The following NCOR2 variants were observed in gnomAD, a reference collection of about 807,000 sequenced individuals.
NCOR2 encodes nuclear receptor corepressor 2.
In NCOR2, 81 loss-of-function variants were observed where a neutral mutation model predicts 262.9. The ratio of observed to expected loss-of-function variants is 0.31; its 90% CI spans 0.26 to 0.37. The LOEUF (loss-of-function observed/expected upper bound fraction) is 0.37. Ranked by LOEUF, NCOR2 falls within the 10% of genes least tolerant of loss-of-function variation. The pLI is 1.00. For missense variants in NCOR2, 3,385 were observed against 3,621.4 expected, an observed-to-expected ratio of 0.93 and a Z score of 1.68; for synonymous variants, 1,659 against 1,559.3, an observed-to-expected ratio of 1.06 and a Z score of -1.51.
At chr12:124,446,669 T>C (rs1408024104) in intron 7 of NCOR2, among the ~76,000 whole-genome samples, 1 of 152,130 alleles carries the variant, frequency 6.6e-6, no homozygotes, top group African/African-American at 2.4e-5. Context: ...TTCTCTCCCA[T>C]TACCCCACTT....
At chr12:124,410,195 G>A (rs1185755502) in intron 13 of NCOR2, among the ~76,000 whole-genome samples, 1 of 147,574 alleles carries the variant, frequency 6.8e-6, no homozygotes, top group African/African-American at 2.5e-5. Context: ...AGGCCCCCTC[G>A]ATCCTGACCG....
intron 1 of NCOR2, among the ~76,000 whole-genome samples, chr12:124,565,310 G>A (rs2052200446): frequency 6.6e-6 from 1 of 152,140 alleles, no homozygotes; most frequent in Admixed American, 6.5e-5. Context: ...GGTGGCAGCA[G>A]TGAATTTCCA....
At chr12:124,452,462 G>A (rs769515724) in intron 6 of NCOR2, among the ~76,000 whole-genome samples, 11 of 152,242 alleles carry the variant, frequency 7.2e-5, no homozygotes, top group Non-Finnish European at 1.0e-4. Flanking sequence ...CAACACTCCA[G>A]CCTCGGTTTC....
chr12:124,545,128 C>T (rs2051500307), intron 1 of NCOR2, among the ~76,000 whole-genome samples: 1 of 152,110 alleles, frequency 6.6e-6, no homozygotes, highest in Non-Finnish European at 1.5e-5. Context: ...CTCCCCAGGG[C>T]CCCTTGCCAG....
chr12:124,485,682 G>C (rs2047734284), intron 2 of NCOR2, among the ~76,000 whole-genome samples: 1 of 152,140 alleles, frequency 6.6e-6, no homozygotes, highest in South Asian at 2.1e-4. Context: ...TGGGGCCCTG[G>C]GACACCTCCG....
At chr12:124,367,983 C>A (rs757727372) in intron 20 of NCOR2, among the ~76,000 whole-genome samples, 1 of 152,210 alleles carries the variant, frequency 6.6e-6, no homozygotes, top group Non-Finnish European at 1.5e-5. Context: ...TCCTTTCTGG[C>A]GGCCTGGGTG....
upstream of NCOR2, chr12:124,495,270 G>A: frequency 6.2e-7 from 1 of 1,606,238 alleles, no homozygotes; most frequent in Middle Eastern, 1.8e-4. The surrounding 1 kb of genome is among the most constrained non-coding windows in gnomAD (Gnocchi z 4.4). Flanking sequence ...GGGTCGGCGG[G>A]GAGCTGCTCC....
chr12:124,488,091 A>G (rs1347952420), intron 1 of NCOR2, among the ~76,000 whole-genome samples: 1 of 151,986 alleles, frequency 6.6e-6, no homozygotes, highest in Non-Finnish European at 1.5e-5. Context: ...AATTTTCCCA[A>G]TTTTCCATAA....
At position 124,443,460 on chromosome 12, in the gene NCOR2, G is replaced by A. The variant is rs999664277; in HGVS notation, c.816-5464C>T. ...AGTGCACAGGCCAGAGACAGCCTCT[G>A]AGGGTGTTGTGTTGGGCTGTGGTGC... On this transcript the variant is annotated intron_variant, in intron 7 of 46. Transcript: ENST00000405201. The surrounding 1 kb of genome is among the most constrained non-coding windows in gnomAD (Gnocchi z 4.4). Among the ~76,000 whole-genome samples the A allele has an allele frequency of 1.3e-5, 2 of 152,214 alleles. No individual in the cohort carries two copies. The highest frequency in any genetic ancestry group is 2.9e-5 in the Non-Finnish European group (2 of 68,042).
chr12:124,435,212 G>A (rs891620347), intron 8 of NCOR2, among the ~76,000 whole-genome samples: 10 of 152,150 alleles, frequency 6.6e-5, no homozygotes, highest in South Asian at 2.1e-4. Context: ...AGCCCATCTC[G>A]AGAGTCTAGC....
rs540691973 is a variant in NCOR2, at chr12:124,486,825, G to A, written c.106-257C>T. 2.7e-3 allele frequency among the ~76,000 whole-genome samples: 416 copies of A among 152,230 alleles called. 4 individuals carry two copies. Among genetic ancestry groups the A allele is most frequent in the Non-Finnish European group, 4.3e-3 (290 of 67,996 alleles). ...CCCACACAGCATCCCAGGGACCCAC[G>A]ATCACGCCCACCTTCCAAATGAGAC... On this transcript the variant is annotated intron_variant, in intron 1 of 46. Transcript: ENST00000405201.
chr12:124,407,510 G>C (rs2042341349), intron 13 of NCOR2, among the ~76,000 whole-genome samples: 1 of 151,996 alleles, frequency 6.6e-6, no homozygotes, highest in African/African-American at 2.4e-5. Context: ...GAGCCCCCGG[G>C]GACCTTTCTC....
At chr12:124,392,726 C>G (rs891986441) in intron 16 of NCOR2, among the ~76,000 whole-genome samples, 2 of 149,406 alleles carry the variant, frequency 1.3e-5, no homozygotes, top group Non-Finnish European at 3.0e-5. Context: ...GGAGGTCCTG[C>G]TCTCCAGGCT....
intron 5 of NCOR2, among the ~76,000 whole-genome samples, chr12:124,463,160 G>A (rs1235377860): frequency 2.0e-5 from 3 of 152,282 alleles, no homozygotes; most frequent in Middle Eastern, 3.4e-3. Flanking sequence ...CATCGCTAGC[G>A]CTGCCTCTGT....
intron 31 of NCOR2, among the ~76,000 whole-genome samples, chr12:124,345,626 C>G (rs1212864579): frequency 6.6e-6 from 1 of 152,208 alleles, no homozygotes; most frequent in African/African-American, 2.4e-5. Context: ...GGGAACTGCC[C>G]TTGTTTTTCA....
chr12:124,410,498 C>T (rs2042514216), intron 13 of NCOR2, among the ~76,000 whole-genome samples: 1 of 151,890 alleles, frequency 6.6e-6, no homozygotes, highest in Admixed American at 6.6e-5. Context: ...CCAATCCTGC[C>T]CAGCCCAGCT....
intron 41 of NCOR2, among the ~76,000 whole-genome samples, chr12:124,333,883 TGCATGTGTGTGTGCGCGC>T (rs2035532994): frequency 1.1e-5 from 1 of 93,370 alleles, no homozygotes; most frequent in Admixed American, 1.1e-4. Context: ...TGTGCGGGTG[TGCATGTGTGTGTGCGCGC>T]GCATGTGTGC....
intron 41 of NCOR2, 50 bp downstream of exon 43, chr12:124,334,373 GA>G: frequency 7.3e-7 from 1 of 1,363,022 alleles, no homozygotes; most frequent in Non-Finnish European, 1.0e-6. Flanking sequence ...GGCAGCTGAC[GA>G]AGGCCTCCCG....
At chr12:124,533,053 CA>C (rs200295847) in intron 1 of NCOR2, among the ~76,000 whole-genome samples, 7 of 144,250 alleles carry the variant, frequency 4.9e-5, no homozygotes, top group Non-Finnish European at 9.0e-5. Context: ...CCTCCTCCCC[CA>C]CCCCAGTCCC....
Sources: allele counts gnomAD v4.1 joint callset (sites outside exome capture counted in the v4.1 genomes callset), GRCh38; gene constraint gnomAD v4.1.1; non-coding constraint Gnocchi (gnomAD v3.1); transcripts MANE v1.5; gene names NCBI Gene and HGNC (gene_info 2026-07-23, HGNC 2026-07-21).